The following ZNF727 variants were observed in gnomAD, a reference collection of about 807,000 sequenced individuals.
ZNF727 encodes the protein putative zinc finger protein 727.
Under a neutral mutation model 11.5 loss-of-function variants are expected in ZNF727, and 11 were observed. That is an observed-to-expected ratio of 0.95 (90% CI 0.60 to 1.58). The LOEUF (loss-of-function observed/expected upper bound fraction) is 1.58, where lower values mean the gene tolerates loss of function less well. Ranked by LOEUF, ZNF727 falls within the 40% of genes most tolerant of loss-of-function variation. The probability of loss-of-function intolerance (pLI) is 0.00; values close to 1 mark genes in which losing one functional copy is unlikely to be tolerated. For synonymous variants in ZNF727, 171 were observed against 196.1 expected (o/e 0.87, Z 1.07); for missense variants, 533 against 581.7 (o/e 0.92, Z 0.86).
intron 2 of ZNF727, 118 bp from the exon 3 acceptor site, chr7:64,069,396 A>T (rs1323403475): frequency 1.1e-6 from 1 of 907,574 alleles, no homozygotes; most frequent in Non-Finnish European, 1.7e-6. Context: ...AAAACAGTAG[A>T]TTGGAATTAA....
intron 1 of ZNF727, among the ~76,000 whole-genome samples, chr7:64,050,803 TG>T (rs1789585588): frequency 1.3e-5 from 2 of 152,010 alleles, no homozygotes; most frequent in Non-Finnish European, 1.5e-5. Context: ...TGTGTGTGTG[TG>T]TGTGTGTGTA....
At chr7:64,063,276 C>T (rs1383181785) in intron 1 of ZNF727, among the ~76,000 whole-genome samples, 1 of 152,084 alleles carries the variant, frequency 6.6e-6, no homozygotes, top group Non-Finnish European at 1.5e-5. Flanking sequence ...TCCAAGTATT[C>T]AAAGGGAATC....
intron 1 of ZNF727, among the ~76,000 whole-genome samples, chr7:64,050,097 T>C: frequency 6.6e-6 from 1 of 151,980 alleles, no homozygotes; most frequent in South Asian, 2.1e-4. Flanking sequence ...CGCTGAGAAG[T>C]CAGAAGACAC....
Position 64,077,499 on chromosome 7 carries a change from T to A in ZNF727, c.450T>A (p.Cys150Ter). The change falls in exon 4 of 4, where the codon TGT becomes TGA. Residue 150 changes from cysteine (C) to a stop codon, truncating the protein, a stop_gained. Coordinates refer to ENST00000456806, the MANE Select transcript of ZNF727 (RefSeq NM_001159522.3). LOFTEE classifies it low-confidence loss of function (END_TRUNC). The stretch of plus-strand genomic sequence containing the variant: ...GCAAAACCTGTCAATATAATAAATG[T>A]GGCAAAGCTTTTGGGTTGTGCTCAA... ...TRSKTCQYNK[C>*]GKAFGLCSIF... 6.4e-7 allele frequency: 1 copy of A among 1,551,638 alleles called. No individual in the cohort carries two copies. The highest frequency in any genetic ancestry group is 8.7e-7 in the Non-Finnish European group (1 of 1,146,878).
At chr7:64,071,517 T>A (rs1485081952) in intron 3 of ZNF727, among the ~76,000 whole-genome samples, 1 of 152,034 alleles carries the variant, frequency 6.6e-6, no homozygotes, top group Non-Finnish European at 1.5e-5. Flanking sequence ...ATGTTTCTTA[T>A]GTGTTTTTGA....
At position 64,045,642 on chromosome 7, in the gene ZNF727, G is replaced by A; in HGVS notation, c.3+18G>A. ...GGGAAATGGTGAGTGCGCGGAGTGG[G>A]TGTCCCGAGAAGGGGGAAGAGGCTG... On this transcript the variant is annotated intron_variant, in intron 1 of 3. Coordinates refer to ENST00000456806, the MANE Select transcript of ZNF727 (RefSeq NM_001159522.3). 6.4e-7 allele frequency: 1 copy of A among 1,559,404 alleles called. No individual in the cohort carries two copies.
Position 64,045,608 on chromosome 7 carries a change from C to T in ZNF727, c.-14C>T. 6.4e-7 allele frequency: 1 copy of T among 1,557,364 alleles called. No individual in the cohort carries two copies. The highest frequency in any genetic ancestry group is 1.4e-5 in the African/African-American group (1 of 73,360). On this transcript the variant is annotated 5_prime_UTR_variant, in exon 1 of 4. Coordinates refer to ENST00000456806, the MANE Select transcript of ZNF727 (RefSeq NM_001159522.3). Reference sequence around the variant, plus strand: ...ATCCATAGGGAAGAAGGCGGAACATCCGGAGGCTGGGAAATGGTGAGTGCG... The same window carrying T: ...ATCCATAGGGAAGAAGGCGGAACATTCGGAGGCTGGGAAATGGTGAGTGCG...
In ZNF727 at chr7:64,083,290, A is replaced by G. The variant is rs1343293265; in HGVS notation, c.*4741A>G. The stretch of plus-strand genomic sequence containing the variant: ...AATGGCTAAGTTGCCCAAGAAGCAA[A>G]GATGGCGGCCCACTCCTCTTTCTGG... On this transcript the variant is annotated 3_prime_UTR_variant, in exon 4 of 4. Coordinates refer to ENST00000456806, the MANE Select transcript of ZNF727 (RefSeq NM_001159522.3). 6.6e-6 allele frequency among the ~76,000 whole-genome samples: 1 copy of G among 152,188 alleles called. No individual in the cohort carries two copies. The highest frequency in any genetic ancestry group is 1.5e-5 in the Non-Finnish European group (1 of 68,038).
At chr7:64,065,405 T>C (rs1184871927) in intron 1 of ZNF727, among the ~76,000 whole-genome samples, 1 of 152,126 alleles carries the variant, frequency 6.6e-6, no homozygotes, top group Non-Finnish European at 1.5e-5. Context: ...TTTAGGAGTT[T>C]ACTGGTTCCA....
intron 1 of ZNF727, among the ~76,000 whole-genome samples, chr7:64,061,688 T>A (rs1241540405): frequency 6.6e-6 from 1 of 151,910 alleles, no homozygotes; most frequent in Non-Finnish European, 1.5e-5. Context: ...AGTGTTATTA[T>A]TAATAAATAA....
chr7:64,067,592 A>G (rs546897795), intron 1 of ZNF727, among the ~76,000 whole-genome samples: 108 of 152,190 alleles, frequency 7.1e-4, no homozygotes, highest in Non-Finnish European at 1.3e-3. Flanking sequence ...TTGCTGGGAT[A>G]TGGATGAATC....
chr7:64,056,323 A>G (rs112062441), intron 1 of ZNF727, among the ~76,000 whole-genome samples: 3 of 152,200 alleles, frequency 2.0e-5, no homozygotes, highest in African/African-American at 7.2e-5. Flanking sequence ...AAGAAGTGCT[A>G]AGATAGTAAC....
chr7:64,070,177 C>T (rs1293433078), intron 3 of ZNF727, among the ~76,000 whole-genome samples: 5 of 152,012 alleles, frequency 3.3e-5, no homozygotes, highest in Non-Finnish European at 7.4e-5. Context: ...CTAAGCATCT[C>T]CCTAAATGAA....
chr7:64,078,763 C>A lies in ZNF727; in HGVS notation c.*214C>A, dbSNP rs1301566340. Among the ~76,000 whole-genome samples the A allele has an allele frequency of 6.6e-6, 1 of 151,660 alleles. No individual in the cohort carries two copies. Among genetic ancestry groups the A allele is most frequent in the African/African-American group, 2.4e-5 (1 of 41,300 alleles). On this transcript the variant is annotated 3_prime_UTR_variant, in exon 4 of 4. Transcript: ENST00000456806. ...TACAAATGTGAAGAATGCGGCAAAA[C>A]CTGTGTTTCTCAGACCTGACTAATC...
chr7:64,069,565 A>G lies in ZNF727; in HGVS notation c.182A>G (p.Glu61Gly). The G allele has an allele frequency of 6.4e-7, 1 of 1,565,046 alleles. No homozygotes were observed. The highest frequency in any genetic ancestry group is 8.7e-7 in the Non-Finnish European group (1 of 1,153,952). ...DLITYLEQRK[E>G]PWNARRQKTV... ...ATTACCTATCTGGAGCAAAGAAAAG[A>G]GCCTTGGAATGCGAGGAGACAGAAG... Residue 61 changes from glutamate (E) to glycine (G), a missense_variant, in exon 3 of 4, where the codon GAG becomes GGG. By Grantham distance (98) the Glu-to-Gly change is moderately conservative. Transcript: ENST00000456806.
At chr7:64,065,110 A>G (rs1302021897) in intron 1 of ZNF727, among the ~76,000 whole-genome samples, 1 of 152,088 alleles carries the variant, frequency 6.6e-6, no homozygotes, top group African/African-American at 2.4e-5. Context: ...GGTGCTATTT[A>G]GTCATCTTGC....
chr7:64,061,326 A>G (rs1337615033), intron 1 of ZNF727, among the ~76,000 whole-genome samples: 1 of 152,086 alleles, frequency 6.6e-6, no homozygotes, highest in East Asian at 1.9e-4. Context: ...TTTAGCTCTA[A>G]TATTTACTTC....
At chr7:64,058,950 C>CTTTTTTTTTTTT (rs560995822) in intron 1 of ZNF727, among the ~76,000 whole-genome samples, 1 of 145,386 alleles carries the variant, frequency 6.9e-6, no homozygotes, top group African/African-American at 2.5e-5. Flanking sequence ...ATTGCATTGT[C>CTTTTTTTTTTTT]TTTTTTTTTT....
rs1206656010 is a variant in ZNF727, at chr7:64,082,287, A to T, written c.*3738A>T. Among the ~76,000 whole-genome samples the T allele has an allele frequency of 6.6e-6, 1 of 152,142 alleles. No homozygotes were observed. Among genetic ancestry groups the T allele is most frequent in the East Asian group, 1.9e-4 (1 of 5,172 alleles). ...AGGCCTGGAGAACTTGCCCAGTGAG[A>T]ATATATGAGAACAGGCACTCACGTA... On this transcript the variant is annotated 3_prime_UTR_variant, in exon 4 of 4. Transcript: ENST00000456806.
Sources: gnomAD v4.1 joint callset for allele counts (sites outside exome capture counted in the v4.1 genomes callset) on GRCh38, gnomAD v4.1.1 for gene constraint, MANE v1.5 for transcripts, NCBI Gene and HGNC (gene_info 2026-07-23, HGNC 2026-07-21) for gene names.